Variants in INTS7 observed in about 807,000 individuals in gnomAD.
The protein encoded by INTS7 is integrator complex subunit 7, also known as chromosome 1 open reading frame 73.
INTS7 carries 46 observed loss-of-function variants against 109.2 expected under a neutral mutation model. That is an observed-to-expected ratio of 0.42 (90% CI 0.33 to 0.54). The LOEUF is 0.54. Ranked by LOEUF, INTS7 falls within the 20% of genes least tolerant of loss-of-function variation. The pLI is 0.07. For missense variants in INTS7, 929 were observed against 1,132.4 expected, an observed-to-expected ratio of 0.82 and a Z score of 2.58; for synonymous variants, 412 against 402.9, an observed-to-expected ratio of 1.02 and a Z score of -0.27.
At chr1:212,005,902 AAAC>A (rs1255653765) in intron 7 of INTS7, among the ~76,000 whole-genome samples, 10 of 152,188 alleles carry the variant, frequency 6.6e-5, no homozygotes, top group Admixed American at 5.2e-4. Flanking sequence ...GATGTTTAGA[AAAC>A]AACAAACAAA....
In INTS7 at chr1:211,968,534, C is replaced by T. The variant is rs748294591; in HGVS notation, c.1989G>A (p.Arg663=). Residue 663 remains arginine (R), a synonymous_variant, in exon 14 of 20, where the codon AGG becomes AGA. Coordinates refer to ENST00000366994, the MANE Select transcript of INTS7 (RefSeq NM_015434.4). ...IAMTLGNDLQ[R]CGRISNQMKQ... is the part of the protein sequence containing the mutation. ...ATGCCTGATTGGAGATGCGACCACA[C>T]CTCTGGAGGTCATTTCCTAAGGTCA... is the stretch of plus-strand genomic sequence containing the variant. 1 of 1,613,724 alleles carries T rather than the reference C, an allele frequency of 6.2e-7. No homozygotes were observed. Among genetic ancestry groups the T allele is most frequent in the Non-Finnish European group, 8.5e-7 (1 of 1,179,802 alleles).
At position 211,952,589 on chromosome 1, in the gene INTS7, AT is replaced by A; in HGVS notation, c.2295del (p.Lys765AsnfsTer21). ...VLEEVESLNRKYTPVSYMHTA... is the reference protein window; with the variant it reads ...VLEEVESLNRXYTPVSYMHTA... ...CTTGCCATATAAGAAACAGGGGTAT[AT>A]TTCCGATTGAGTGATTCTACCTCCT... On this transcript the variant is annotated frameshift_variant, in exon 17 of 20. Transcript: ENST00000366994. LOFTEE classifies it high-confidence loss of function. 1.2e-6 allele frequency: 2 copies of A among 1,613,194 alleles called. No homozygotes were observed. Among genetic ancestry groups the A allele is most frequent in the South Asian group, 2.2e-5 (2 of 90,846 alleles).
At chr1:211,966,295 C>CA in intron 16 of INTS7, 135 bp downstream of exon 16, 1 of 512,808 alleles carries the variant, frequency 2.0e-6, no homozygotes, top group Non-Finnish European at 3.5e-6. Flanking sequence ...ATGTGACCCA[C>CA]AAAAAATGCT....
At chr1:212,033,431 T>C (rs369568557) in intron 1 of INTS7, among the ~76,000 whole-genome samples, 3 of 152,226 alleles carry the variant, frequency 2.0e-5, no homozygotes, top group Admixed American at 1.3e-4. Flanking sequence ...ACGCCAGGCA[T>C]TGCTGGGAGG....
chr1:211,972,896 C>T (rs1258566268), intron 13 of INTS7, among the ~76,000 whole-genome samples: 1 of 152,160 alleles, frequency 6.6e-6, no homozygotes, highest in African/African-American at 2.4e-5. Context: ...CCCTCACAGA[C>T]ACCTTGATTG....
chr1:211,952,353 T>C (rs2102388136), intron 17 of INTS7: 1 of 388,216 alleles, frequency 2.6e-6, no homozygotes, highest in Non-Finnish European at 4.5e-6. Context: ...TATATATTAA[T>C]ATAACTACGT....
intron 16 of INTS7, among the ~76,000 whole-genome samples, chr1:211,955,923 G>A (rs1474531282): frequency 6.6e-6 from 1 of 152,174 alleles, no homozygotes; most frequent in Non-Finnish European, 1.5e-5. Context: ...AAGCTCATTT[G>A]TATGATGGAC....
chr1:212,011,192 T>C (rs1340602190), intron 5 of INTS7, among the ~76,000 whole-genome samples, 183 bp downstream of exon 5: 1 of 152,098 alleles, frequency 6.6e-6, no homozygotes, highest in African/African-American at 2.4e-5. Flanking sequence ...TAGATGGGGG[T>C]AAGGACTTTG....
intron 16 of INTS7, among the ~76,000 whole-genome samples, chr1:211,960,079 C>T (rs1229960061): frequency 1.3e-5 from 2 of 152,090 alleles, no homozygotes; most frequent in Non-Finnish European, 2.9e-5. Context: ...AACCAGTGGC[C>T]CTGGAGCACC....
intron 1 of INTS7, among the ~76,000 whole-genome samples, chr1:212,025,015 T>A (rs969076185): frequency 2.0e-5 from 3 of 152,226 alleles, no homozygotes; most frequent in African/African-American, 7.2e-5. Flanking sequence ...ATGAAACTAG[T>A]ATTCACTCAC....
In INTS7 at chr1:211,976,628, G is replaced by C. The variant is rs766837815; in HGVS notation, c.1562C>G (p.Ser521Cys). ...AVIKQQLESVSNGWTVYRIAR... is the reference protein window; with the variant it reads ...AVIKQQLESVCNGWTVYRIAR... ...AATACGGTATACAGTCCATCCATTG[G>C]AGACACTTTCAAGCTGCTGCTTAAT... is the stretch of plus-strand genomic sequence containing the variant. Residue 521 changes from serine to cysteine, a missense_variant, in exon 12 of 20, where the codon TCC (serine) becomes TGC (cysteine). Coordinates refer to ENST00000366994, the MANE Select transcript of INTS7 (RefSeq NM_015434.4). 28 of 1,613,826 alleles carry C rather than the reference G, an allele frequency of 1.7e-5. No homozygotes were observed. The Admixed American group carries it at 3.2e-4, about 18-fold the overall frequency.
intron 1 of INTS7, among the ~76,000 whole-genome samples, chr1:212,024,206 T>C (rs1287124281): frequency 1.3e-5 from 2 of 152,174 alleles, no homozygotes; most frequent in African/African-American, 4.8e-5. Context: ...TTTGGTTCCA[T>C]ATGAATTTTA....
At chr1:212,001,421 C>A (rs1232104464) in intron 7 of INTS7, among the ~76,000 whole-genome samples, 3 of 151,906 alleles carry the variant, frequency 2.0e-5, no homozygotes, top group African/African-American at 7.3e-5. Flanking sequence ...ACTGATTCAA[C>A]CAAATCCAGA....
chr1:212,016,192 T>C (rs80028353), intron 4 of INTS7, among the ~76,000 whole-genome samples: 5,220 of 152,294 alleles, frequency 0.034, 303 homozygotes, highest in African/African-American at 0.12. Context: ...TCAGTACATA[T>C]TGCTGTTATC....
At chr1:212,023,694 T>TGG (rs1666803562) in intron 1 of INTS7, among the ~76,000 whole-genome samples, 1 of 152,232 alleles carries the variant, frequency 6.6e-6, no homozygotes, top group African/African-American at 2.4e-5. Context: ...TTCTGTAGGC[T>TGG]GTTTACTCTG....
At chr1:212,023,430 A>G (rs538124919) in intron 1 of INTS7, among the ~76,000 whole-genome samples, 50 of 152,290 alleles carry the variant, frequency 3.3e-4, no homozygotes, top group African/African-American at 1.2e-3. Context: ...TGACTTTTCA[A>G]TAATAGCCAT....
chr1:212,033,023 C>T (rs995087991), intron 1 of INTS7, among the ~76,000 whole-genome samples: 15 of 152,146 alleles, frequency 9.9e-5, no homozygotes, highest in African/African-American at 2.9e-4. Context: ...GCTATATTTG[C>T]GGAGTGTCTG....
chr1:212,032,114 T>C (rs932258422), intron 1 of INTS7, among the ~76,000 whole-genome samples: 1 of 152,318 alleles, frequency 6.6e-6, no homozygotes, highest in African/African-American at 2.4e-5. Context: ...ACCTCTAAGT[T>C]TTCTTGACCA....
intron 7 of INTS7, among the ~76,000 whole-genome samples, chr1:211,994,505 C>T (rs1305747561): frequency 4.7e-5 from 7 of 148,556 alleles, no homozygotes; most frequent in Non-Finnish European, 4.4e-5. Context: ...CTCACTGCAA[C>T]CTCTGCGTCC....
Sources: gnomAD v4.1 joint callset for allele counts (sites outside exome capture counted in the v4.1 genomes callset) on GRCh38, gnomAD v4.1.1 for gene constraint, MANE v1.5 for transcripts, NCBI Gene and HGNC (gene_info 2026-07-23, HGNC 2026-07-21) for gene names.